Variants in ELAVL4 observed in about 807,000 individuals in gnomAD.
The protein encoded by ELAVL4 is ELAV like RNA binding protein 4.
A neutral mutation model predicts 35.6 loss-of-function variants in ELAVL4; 1 was observed. The ratio of observed to expected loss-of-function variants is 0.03; its 90% CI spans 0.01 to 0.13. The LOEUF is 0.13. Among genes scored for constraint, ELAVL4 ranks in the 10% least tolerant of loss-of-function variants. The pLI, the probability that ELAVL4 is intolerant of heterozygous loss-of-function variation, is 1.00. For missense variants in ELAVL4, 267 were observed against 464.9 expected, an observed-to-expected ratio of 0.57 and a Z score of 3.91; for synonymous variants, 156 against 171.0, an observed-to-expected ratio of 0.91 and a Z score of 0.69.
chr1:50,054,242 AG>A (rs750568861), intron 1 of ELAVL4, among the ~76,000 whole-genome samples: 7 of 152,208 alleles, frequency 4.6e-5, no homozygotes, highest in Admixed American at 1.3e-4. Context: ...CTGGTTCTGA[AG>A]TGCAATAGAA....
upstream of ELAVL4, among the ~76,000 whole-genome samples, chr1:50,101,311 G>A (rs1665965658): frequency 6.6e-6 from 1 of 152,042 alleles, no homozygotes; most frequent in South Asian, 2.1e-4. Flanking sequence ...GTAGGGTTGG[G>A]GACCCAATCA....
At chr1:50,186,763 T>A (rs1313680730) in intron 3 of ELAVL4, among the ~76,000 whole-genome samples, 1 of 152,074 alleles carries the variant, frequency 6.6e-6, no homozygotes, top group African/African-American at 2.4e-5. Context: ...AATGCCCAGG[T>A]AAGGGGTTTA....
intron 6 of ELAVL4, 110 bp from the exon 7 acceptor site, chr1:50,200,741 C>CT: frequency 6.5e-7 from 1 of 1,528,686 alleles, no homozygotes; most frequent in Non-Finnish European, 8.8e-7. Flanking sequence ...GAAGACTCTC[C>CT]TGTAAACACT....
chr1:50,176,976 A>G, intron 2 of ELAVL4, 113 bp from the exon 3 acceptor site: 1 of 773,106 alleles, frequency 1.3e-6, no homozygotes, highest in Non-Finnish European at 2.1e-6. Flanking sequence ...GTTTTGACTC[A>G]CTGCAGTGGG....
intron 1 of ELAVL4, among the ~76,000 whole-genome samples, chr1:50,116,246 T>C (rs954215810): frequency 2.0e-5 from 3 of 152,160 alleles, no homozygotes; most frequent in Admixed American, 1.3e-4. Flanking sequence ...GCCTCCTTGC[T>C]TCTGATGTAA....
chr1:50,129,273 G>T (rs1670462142), intron 1 of ELAVL4, among the ~76,000 whole-genome samples: 1 of 151,898 alleles, frequency 6.6e-6, no homozygotes, highest in Non-Finnish European at 1.5e-5. Flanking sequence ...GCTGCTTATT[G>T]GGGTATACAG....
intron 1 of ELAVL4, among the ~76,000 whole-genome samples, chr1:50,082,487 CT>C (rs1665051736): frequency 6.6e-6 from 1 of 152,160 alleles, no homozygotes; most frequent in South Asian, 2.1e-4. Flanking sequence ...TGAGAAGTGT[CT>C]GTTCATATCC....
intron 1 of ELAVL4, among the ~76,000 whole-genome samples, chr1:50,060,059 G>A (rs1329836953): frequency 6.6e-6 from 1 of 152,118 alleles, no homozygotes; most frequent in Non-Finnish European, 1.5e-5. Flanking sequence ...AAATGCCACT[G>A]ATTGTTCACT....
chr1:50,149,280 C>A (rs959373450), intron 2 of ELAVL4, among the ~76,000 whole-genome samples: 3 of 151,634 alleles, frequency 2.0e-5, no homozygotes, highest in African/African-American at 4.8e-5. Flanking sequence ...CGCCTGTAAT[C>A]CCAGCTACTC....
intron 2 of ELAVL4, among the ~76,000 whole-genome samples, chr1:50,159,670 C>G (rs908624887): frequency 1.3e-5 from 2 of 151,982 alleles, no homozygotes; most frequent in Non-Finnish European, 2.9e-5. Flanking sequence ...TGTGCTAACA[C>G]GACGTGAAAA....
upstream of ELAVL4, among the ~76,000 whole-genome samples, chr1:50,107,054 A>G (rs1424863520): frequency 1.3e-5 from 2 of 152,196 alleles, no homozygotes; most frequent in Non-Finnish European, 2.9e-5. Flanking sequence ...CTTAATGTTT[A>G]CTTTTCACAA....
At chr1:50,094,599 A>T (rs1210208201) in intron 1 of ELAVL4, among the ~76,000 whole-genome samples, 12 of 152,042 alleles carry the variant, frequency 7.9e-5, no homozygotes, top group Admixed American at 7.9e-4. Context: ...GTTGTACTTC[A>T]TGTTTCTATA....
intron 1 of ELAVL4, among the ~76,000 whole-genome samples, chr1:50,094,373 A>G (rs1665623433): frequency 6.6e-6 from 1 of 152,160 alleles, no homozygotes; most frequent in Non-Finnish European, 1.5e-5. Flanking sequence ...GAAGGGGTGG[A>G]TGTTGATTGC....
intron 2 of ELAVL4, among the ~76,000 whole-genome samples, chr1:50,170,526 A>G (rs1222895349): frequency 6.6e-6 from 1 of 152,166 alleles, no homozygotes; most frequent in African/African-American, 2.4e-5. Context: ...CACACGTCTG[A>G]CCAACTCCAA....
rs139615477 is a variant in ELAVL4 at position 50,094,507 on chromosome 1, A to G, written c.18+46325A>G. 3.5e-4 allele frequency among the ~76,000 whole-genome samples: 53 copies of G among 152,338 alleles called. No homozygotes were observed. The East Asian group carries it at 0.01, about 29-fold the overall frequency. On this transcript the variant is annotated intron_variant, in intron 1 of 6. Transcript: ENST00000448907. ...ATGGTAATAATTCAAGACAGGATCA[A>G]GATACCAGCTTTATTTTCCCAGCCC...
rs146101895 is a variant in ELAVL4, at chr1:50,115,962, A to G, written c.9+6764A>G. On this transcript the variant is annotated intron_variant, in intron 1 of 6. Transcript: ENST00000371824. ...GATTTTTAAGGTGGCACATTGCACAATGAGGTTTGTGTCAAATAGTAAGAA... is the reference window on the plus strand; with the variant it reads ...GATTTTTAAGGTGGCACATTGCACAGTGAGGTTTGTGTCAAATAGTAAGAA... 4.9e-3 allele frequency among the ~76,000 whole-genome samples: 744 copies of G among 152,272 alleles called. 6 individuals are homozygous for G. Among genetic ancestry groups the G allele is most frequent in the African/African-American group, 0.017 (688 of 41,574 alleles).
chr1:50,100,687 G>A (rs1345247539), upstream of ELAVL4, among the ~76,000 whole-genome samples: 1 of 152,184 alleles, frequency 6.6e-6, no homozygotes, highest in South Asian at 2.1e-4. Context: ...CTCCTTGAAG[G>A]TGGGGACTAT....
At chr1:50,104,424 C>T (rs745668780), upstream of ELAVL4, among the ~76,000 whole-genome samples, 2 of 152,174 alleles carry the variant, frequency 1.3e-5, no homozygotes, top group Non-Finnish European at 2.9e-5. Flanking sequence ...GAGAGCAACT[C>T]CTCCTTCTCA....
At chr1:50,195,476 A>C in intron 4 of ELAVL4, 85 bp from the exon 5 acceptor site, 1 of 1,481,536 alleles carries the variant, frequency 6.7e-7, no homozygotes, top group Non-Finnish European at 9.4e-7. Context: ...CTCCTCACAC[A>C]ATATCCACAG....
Sources: gnomAD v4.1 joint callset for allele counts (sites outside exome capture counted in the v4.1 genomes callset) on GRCh38, gnomAD v4.1.1 for gene constraint, MANE v1.5 for transcripts, NCBI Gene and HGNC (gene_info 2026-07-23, HGNC 2026-07-21) for gene names.